The following SPAG5 variants were observed in gnomAD, a reference collection of about 807,000 sequenced individuals.
SPAG5 encodes the protein sperm associated antigen 5.
In SPAG5, 99 loss-of-function variants were observed where a neutral mutation model predicts 145.4. The ratio of observed to expected loss-of-function variants is 0.68; its 90% CI spans 0.58 to 0.80. The LOEUF is 0.80. Ranked by LOEUF, SPAG5 falls within the 30% of genes least tolerant of loss-of-function variation. SPAG5 has a pLI of 0.00. For synonymous variants in SPAG5, 477 were observed against 525.4 expected (o/e 0.91, Z 1.26); for missense variants, 1,192 against 1,416.0 (o/e 0.84, Z 2.54).
chr17:28,587,202 C>G (rs540246911), intron 4 of SPAG5, among the ~76,000 whole-genome samples: 84 of 151,280 alleles, frequency 5.6e-4, no homozygotes, highest in Non-Finnish European at 8.3e-4. Context: ...TCACTTGGGT[C>G]CGGGAGTTCA....
chr17:28,594,376 A>G (rs1335610470), intron 2 of SPAG5, among the ~76,000 whole-genome samples: 2 of 152,072 alleles, frequency 1.3e-5, no homozygotes, highest in Non-Finnish European at 2.9e-5. Flanking sequence ...CGGGCGGATC[A>G]CGAGGTCAGG....
At chr17:28,577,925 G>T in intron 23 of SPAG5, 85 bp downstream of exon 23, 1 of 1,314,366 alleles carries the variant, frequency 7.6e-7, no homozygotes, top group Non-Finnish European at 1.1e-6. Flanking sequence ...CACAGGCTGG[G>T]AACCAGATCT....
In SPAG5 at chr17:28,583,908, G is replaced by A; in HGVS notation, c.2491C>T (p.Leu831Phe). 1.9e-6 allele frequency: 3 copies of A among 1,614,164 alleles called. No homozygotes were observed. The highest frequency in any genetic ancestry group is 2.2e-5 in the East Asian group (1 of 44,888). Residue 831 changes from leucine (L) to phenylalanine (F), a missense_variant, in exon 14 of 24, where the codon CTC (leucine) becomes TTC (phenylalanine). Around this residue, in one of 5 missense-constraint regions of SPAG5, gnomAD observed 709 missense variants for 840.7 expected, o/e 0.84. Transcript: ENST00000321765. ...ECQLKTTLEV[L>F]RERSLQCENL... The stretch of plus-strand genomic sequence containing the variant: ...TCACACTGCAAGCTGCGCTCCCGGA[G>A]CACTTCCAGTGTGGTTTTCAATTGA...
At chr17:28,581,185 A>G (rs1057339155) in intron 15 of SPAG5, among the ~76,000 whole-genome samples, 1 of 152,222 alleles carries the variant, frequency 6.6e-6, no homozygotes, top group Non-Finnish European at 1.5e-5. Flanking sequence ...CTGCTCTTGA[A>G]CTACAAAGGC....
intron 4 of SPAG5, among the ~76,000 whole-genome samples, chr17:28,587,350 C>T (rs2070592310): frequency 6.6e-6 from 1 of 151,842 alleles, no homozygotes; most frequent in Admixed American, 6.6e-5. Flanking sequence ...AGTTCGAGAC[C>T]AGCCTGACCA....
At chr17:28,596,999 A>T (rs2070669771) in intron 2 of SPAG5, among the ~76,000 whole-genome samples, 1 of 152,080 alleles carries the variant, frequency 6.6e-6, no homozygotes, top group East Asian at 1.9e-4. Flanking sequence ...AGACAGAAGA[A>T]TCGCTTGAAC....
intron 1 of SPAG5, 91 bp from the exon 2 acceptor site, chr17:28,598,726 G>T: frequency 1.3e-6 from 2 of 1,536,950 alleles, no homozygotes; most frequent in South Asian, 1.2e-5. Flanking sequence ...CCCAAAATGC[G>T]ATTAGAAGAG....
At position 28,590,784 on chromosome 17, in the gene SPAG5, G is replaced by A. The variant is rs554275220; in HGVS notation, c.1437+914C>T. Among the ~76,000 whole-genome samples, 59 of 144,894 alleles carry A rather than the reference G, an allele frequency of 4.1e-4. No individual in the cohort carries two copies. The East Asian group carries it at 0.012, about 30-fold the overall frequency. ...CTCAGGAGGCTGAGGCAGGAGAATCGCTTGAACCTGGGAGGCAGAGGTTGC... is the reference window on the plus strand; with the variant it reads ...CTCAGGAGGCTGAGGCAGGAGAATCACTTGAACCTGGGAGGCAGAGGTTGC... On this transcript the variant is annotated intron_variant, in intron 4 of 23. Coordinates refer to ENST00000321765, the MANE Select transcript of SPAG5 (RefSeq NM_006461.4).
rs1342560683 is a variant in SPAG5 at position 28,592,566 on chromosome 17, C to T, written c.678G>A (p.Glu226=). 6.2e-7 allele frequency: 1 copy of T among 1,614,088 alleles called. No individual in the cohort carries two copies. Among genetic ancestry groups the T allele is most frequent in the Non-Finnish European group, 8.5e-7 (1 of 1,180,048 alleles). ...CSKESLSSRT[E]AVREDLVPSE... is the part of the protein sequence containing the mutation. ...AAGGTACTAAGTCCTCACGCACAGC[C>T]TCAGTTCTACTGCTCAGGCTTTCCT... Residue 226 remains glutamate, a synonymous_variant, in exon 3 of 24, where the codon GAG becomes GAA. Coordinates refer to ENST00000321765, the MANE Select transcript of SPAG5 (RefSeq NM_006461.4).
intron 6 of SPAG5, 26 bp from the exon 7 acceptor site, chr17:28,586,024 G>A (rs375023968): frequency 7.4e-6 from 12 of 1,613,992 alleles, no homozygotes; most frequent in Non-Finnish European, 1.0e-5. Context: ...CAGTTAATGT[G>A]TCTGGTTCCT....
Position 28,578,764 on chromosome 17 carries a change from A to G in SPAG5, c.3118-12T>C. On this transcript the variant is annotated splice_polypyrimidine_tract_variant and intron_variant, in intron 19 of 23. Coordinates refer to ENST00000321765, the MANE Select transcript of SPAG5 (RefSeq NM_006461.4). ...AGCTCCTTTTCATTCTGTGAGGGAAAGGGAGGTGAGAAGACACATGAAGAG... is the reference window on the plus strand; with the variant it reads ...AGCTCCTTTTCATTCTGTGAGGGAAGGGGAGGTGAGAAGACACATGAAGAG... 6.2e-7 allele frequency: 1 copy of G among 1,608,952 alleles called. No homozygotes were observed. The highest frequency in any genetic ancestry group is 8.5e-7 in the Non-Finnish European group (1 of 1,175,408).
Position 28,584,447 on chromosome 17 carries a change from A to C in SPAG5, c.2195T>G (p.Met732Arg). 1 of 1,614,032 alleles carries C rather than the reference A, an allele frequency of 6.2e-7. No individual in the cohort carries two copies. The highest frequency in any genetic ancestry group is 8.5e-7 in the Non-Finnish European group (1 of 1,180,026). The change falls in exon 12 of 24, where the codon ATG becomes AGG. Residue 732 changes from methionine to arginine, a missense_variant. Around this residue, in one of 5 missense-constraint regions of SPAG5, gnomAD observed 709 missense variants for 840.7 expected, o/e 0.84. Transcript: ENST00000321765. ...LRAQLQILAN[M>R]DSQLKELQSQ... is the part of the protein sequence containing the mutation. ...CTGTAGCTCTTTTAGCTGGCTGTCCATGTTGGCCAGAATCTGCAACTGAGC... is the reference window on the plus strand; with the variant it reads ...CTGTAGCTCTTTTAGCTGGCTGTCCCTGTTGGCCAGAATCTGCAACTGAGC...
Position 28,585,974 on chromosome 17 carries a change from A to T in SPAG5, c.1630T>A (p.Cys544Ser). 1.2e-6 allele frequency: 2 copies of T among 1,614,236 alleles called. No individual in the cohort carries two copies. The highest frequency in any genetic ancestry group is 8.5e-7 in the Non-Finnish European group (1 of 1,180,042). Residue 544 changes from cysteine (C) to serine (S), a missense_variant, in exon 7 of 24, where the codon TGT becomes AGT. Physicochemically the swap from Cys to Ser is moderately radical, Grantham distance 112. Around this residue, in one of 5 missense-constraint regions of SPAG5, gnomAD observed 709 missense variants for 840.7 expected, o/e 0.84. Coordinates refer to ENST00000321765, the MANE Select transcript of SPAG5 (RefSeq NM_006461.4). Reference sequence around the variant, plus strand: ...TTCTTCAGCAAATCAAAACAGCAACAGACCAATGTTTCTGCACGCCGAGAC... The same window carrying T: ...TTCTTCAGCAAATCAAAACAGCAACTGACCAATGTTTCTGCACGCCGAGAC... ...QESRRAETLV[C>S]CCFDLLKKLR...
rs1179811724 is a variant in SPAG5 at position 28,592,435 on chromosome 17, A to G, written c.809T>C (p.Val270Ala). The G allele has an allele frequency of 6.2e-7, 1 of 1,613,670 alleles. No homozygotes were observed. Among genetic ancestry groups the G allele is most frequent in the Non-Finnish European group, 8.5e-7 (1 of 1,180,038 alleles). ...TCTTTCCTCCATAGCTCCATGCTCT[A>G]CAATTTCCTCCTCTGGGTCCACATG... The part of the protein sequence containing the change: ...VNHVDPEEEI[V>A]EHGAMEEREM... The change falls in exon 3 of 24, where the codon GTA (valine) becomes GCA (alanine). Residue 270 changes from valine (V) to alanine (A), a missense_variant. Physicochemically the swap from Val to Ala is moderately conservative, Grantham distance 64. Transcript: ENST00000321765.
At chr17:28,591,137 G>A (rs2070618576) in intron 4 of SPAG5, among the ~76,000 whole-genome samples, 1 of 152,042 alleles carries the variant, frequency 6.6e-6, no homozygotes, top group South Asian at 2.1e-4. Flanking sequence ...GTCTACCAAT[G>A]CAAAAAACGA....
chr17:28,580,966 A>G (rs1189707072), intron 15 of SPAG5, among the ~76,000 whole-genome samples: 1 of 152,224 alleles, frequency 6.6e-6, no homozygotes, highest in Non-Finnish European at 1.5e-5. Flanking sequence ...CTTAGTATGT[A>G]TGAAGCTGAG....
In SPAG5 at chr17:28,598,956, G is replaced by C; in HGVS notation, c.-10C>G. On this transcript the variant is annotated 5_prime_UTR_variant, in exon 1 of 24. Transcript: ENST00000321765. The stretch of plus-strand genomic sequence containing the variant: ...TTTTCACTCGCCACATCTTCAACCA[G>C]AAGGCAGGCCTATCACGTCTCAGAC... The C allele has an allele frequency of 6.2e-7, 1 of 1,613,890 alleles. No individual in the cohort carries two copies. The highest frequency in any genetic ancestry group is 1.3e-5 in the African/African-American group (1 of 75,036).
Position 28,583,505 on chromosome 17 carries a change from T to A in SPAG5, c.2685+6A>T, listed in dbSNP as rs748795788. 16 of 1,584,794 alleles carry A rather than the reference T, an allele frequency of 1.0e-5. No individual in the cohort carries two copies. Among genetic ancestry groups the A allele is most frequent in the Non-Finnish European group, 1.4e-5 (16 of 1,169,666 alleles). On this transcript the variant is annotated splice_donor_region_variant and intron_variant, in intron 15 of 23. Transcript: ENST00000321765. The stretch of plus-strand genomic sequence containing the variant: ...GAAGAGAAGAGAAGGAACCCCAGGA[T>A]CCTACCTTCTCCTTTAGTTTTGTCT...
At chr17:28,596,465 C>T (rs2070665827) in intron 2 of SPAG5, among the ~76,000 whole-genome samples, 1 of 151,900 alleles carries the variant, frequency 6.6e-6, no homozygotes, top group South Asian at 2.1e-4. Flanking sequence ...GTCAGGAATT[C>T]GAGACAAGCC....
Sources: allele counts gnomAD v4.1 joint callset (sites outside exome capture counted in the v4.1 genomes callset), GRCh38; gene constraint gnomAD v4.1.1; regional missense constraint gnomAD v4.1.1; transcripts MANE v1.5; gene names NCBI Gene and HGNC (gene_info 2026-07-23, HGNC 2026-07-21).